The following PCDHA9 variants were observed in gnomAD, a reference collection of about 807,000 sequenced individuals.
PCDHA9 encodes protocadherin alpha-9.
Under a neutral mutation model 62.0 loss-of-function variants are expected in PCDHA9, and 62 were observed. The observed-to-expected ratio is 1.00, with a 90% CI of 0.81 to 1.23. The LOEUF is 1.23. Ranked by LOEUF, PCDHA9 falls within the 50% of genes most tolerant of loss-of-function variation. The probability of loss-of-function intolerance (pLI) is 0.00; values close to 1 mark genes in which losing one functional copy is unlikely to be tolerated. For missense variants in PCDHA9, 1,205 were observed against 1,249.8 expected (o/e 0.96, Z 0.54); for synonymous variants, 557 against 567.6 (o/e 0.98, Z 0.27).
chr5:140,936,780 T>C (rs2091148034), intron 1 of PCDHA9, among the ~76,000 whole-genome samples: 1 of 152,224 alleles, frequency 6.6e-6, no homozygotes, highest in Non-Finnish European at 1.5e-5. Flanking sequence ...TCTCTCACTT[T>C]GTTATTCTGC....
chr5:140,868,938 T>A (rs2050744008), intron 1 of PCDHA9: 1 of 1,227,724 alleles, frequency 8.1e-7, no homozygotes, highest in Non-Finnish European at 1.1e-6. Flanking sequence ...AAGGTTGGTC[T>A]GAACAGTGAG....
chr5:140,968,371 C>T (rs1554230646), intron 1 of PCDHA9: 3 of 1,614,088 alleles, frequency 1.9e-6, no homozygotes, highest in Non-Finnish European at 2.5e-6. Context: ...ATGCTGTCAA[C>T]TCCTTTGACT....
At chr5:140,929,231 T>G in intron 1 of PCDHA9, 2 of 1,613,886 alleles carry the variant, frequency 1.2e-6, no homozygotes, top group Non-Finnish European at 1.7e-6. Context: ...GCTGCCGACC[T>G]GCGAAATCTT....
intron 3 of PCDHA9, 51 bp downstream of exon 3, chr5:140,982,614 G>T (rs1283279622): frequency 6.3e-7 from 1 of 1,596,658 alleles, no homozygotes; most frequent in Non-Finnish European, 8.5e-7. Flanking sequence ...AAAGTGATCA[G>T]ATGACCTACT....
chr5:140,861,442 G>T (rs251368), intron 1 of PCDHA9: 232,262 of 488,424 alleles, frequency 0.48, 56,771 homozygotes, highest in South Asian at 0.56. Context: ...TCCAAAAGCC[G>T]CAGAAACCTT....
chr5:140,952,952 G>C (rs1477546132), intron 1 of PCDHA9, among the ~76,000 whole-genome samples: 1 of 151,924 alleles, frequency 6.6e-6, no homozygotes, highest in Non-Finnish European at 1.5e-5. Context: ...GAGAGAAGGG[G>C]GAAGTGATAC....
intron 3 of PCDHA9, among the ~76,000 whole-genome samples, chr5:141,000,383 CTCTCTCTCTCTCTATA>C (rs1346959358): frequency 3.2e-5 from 2 of 63,198 alleles, no homozygotes; most frequent in African/African-American, 1.4e-4. Context: ...CTCTCTCTCT[CTCTCTCTCTCTCTATA>C]TATATATATA....
rs199809889 is a variant in PCDHA9, at chr5:140,883,348, A to C, written c.2394+32459A>C. On this transcript the variant is annotated intron_variant, in intron 1 of 3. Transcript: ENST00000532602. ...TCACTTCTTTGTCACTCCCCATCAGAGAAGACACTCAGCCTAGCGCCATTA... is the reference window on the plus strand; with the variant it reads ...TCACTTCTTTGTCACTCCCCATCAGCGAAGACACTCAGCCTAGCGCCATTA... The C allele has an allele frequency of 1.9e-6, 3 of 1,614,172 alleles. No homozygotes were observed. In the African/African-American group the frequency reaches 4.0e-5, roughly 22 times the overall value.
rs181858092 is a variant in PCDHA9 at position 140,895,275 on chromosome 5, A to G, written c.2394+44386A>G. The stretch of plus-strand genomic sequence containing the variant: ...TTTCTTTTTTTTCTTACTCAGGGAT[A>G]ATTGAATTAGGACCTTCGATTTCCC... On this transcript the variant is annotated intron_variant, in intron 1 of 3. Transcript: ENST00000532602. 2.0e-5 allele frequency among the ~76,000 whole-genome samples: 3 copies of G among 152,146 alleles called. No individual in the cohort carries two copies. The East Asian group carries it at 5.8e-4, about 29-fold the overall frequency.
chr5:140,875,947 G>C (rs1554168112), intron 1 of PCDHA9: 1 of 1,614,184 alleles, frequency 6.2e-7, no homozygotes, highest in Admixed American at 1.7e-5. Flanking sequence ...GGGCGCTTCT[G>C]ATGCGGATAT....
chr5:140,988,075 A>G (rs139957067), intron 3 of PCDHA9, among the ~76,000 whole-genome samples: 4 of 152,258 alleles, frequency 2.6e-5, no homozygotes, highest in Non-Finnish European at 4.4e-5. Flanking sequence ...TTTCTATTTC[A>G]TGAGTGAGTG....
Position 140,850,309 on chromosome 5 carries a change from C to A in PCDHA9, c.1814C>A (p.Ala605Glu). The A allele has an allele frequency of 6.3e-7, 1 of 1,597,088 alleles. No individual in the cohort carries two copies. The highest frequency in any genetic ancestry group is 8.6e-7 in the Non-Finnish European group (1 of 1,167,652). ...RAVDADSGYN[A>E]WLSYELQPET... ...GTGGACGCCGACTCGGGCTACAACG[C>A]GTGGCTTTCATACGAGCTGCAGCCA... The change falls in exon 1 of 4, where the codon GCG becomes GAG. Residue 605 changes from alanine to glutamate, a missense_variant. Physicochemically the swap from Ala to Glu is moderately radical, Grantham distance 107. This residue lies in a region of PCDHA9 where 887 missense variants were observed against 809.5 expected (regional missense o/e 1.10). Coordinates refer to ENST00000532602, the MANE Select transcript of PCDHA9 (RefSeq NM_031857.2).
rs782398517 is a variant in PCDHA9, at chr5:140,857,600, G to A, written c.2394+6711G>A. The A allele has an allele frequency of 5.0e-6, 8 of 1,596,228 alleles. No homozygotes were observed. In the African/African-American group the frequency reaches 9.4e-5, roughly 19 times the overall value. ...GCACGCGGAGAGCGGCAAGGTGTAC[G>A]CGCTGCAGCCGCTGGACCACGAGGA... is the stretch of plus-strand genomic sequence containing the variant. On this transcript the variant is annotated intron_variant, in intron 1 of 3. Transcript: ENST00000532602.
intron 1 of PCDHA9, chr5:140,877,152 C>A (rs1662783035): frequency 6.2e-7 from 1 of 1,613,688 alleles, no homozygotes; most frequent in Non-Finnish European, 8.5e-7. Context: ...ACGAGAACGA[C>A]AACGCGCCGG....
In PCDHA9 at chr5:140,871,470, G is replaced by A. The variant is rs782433204; in HGVS notation, c.2394+20581G>A. ...AAGAGGAGGAAGGGGAAAGACAGGAGCCAGGGTCAAATCACCCCGGACAGG... is the reference window on the plus strand; with the variant it reads ...AAGAGGAGGAAGGGGAAAGACAGGAACCAGGGTCAAATCACCCCGGACAGG... On this transcript the variant is annotated intron_variant, in intron 1 of 3. Coordinates refer to ENST00000532602, the MANE Select transcript of PCDHA9 (RefSeq NM_031857.2). The A allele has an allele frequency of 3.1e-6, 5 of 1,601,030 alleles. No individual in the cohort carries two copies. In the South Asian group the frequency reaches 4.5e-5, roughly 14 times the overall value.
rs781879208 is a variant in PCDHA9, at chr5:140,850,256, C to G, written c.1761C>G (p.Ala587=). ...AGATGGTGCTGCGGTCGGTGGGCGC[C>G]GGCGTAGTGGTGGGGAAGGTGCGCG... ...VSEMVLRSVG[A]GVVVGKVRAV... Residue 587 remains alanine (A), a synonymous_variant, in exon 1 of 4, where the codon GCC becomes GCG. Coordinates refer to ENST00000532602, the MANE Select transcript of PCDHA9 (RefSeq NM_031857.2). The G allele has an allele frequency of 1.9e-6, 3 of 1,594,146 alleles. No homozygotes were observed. The highest frequency in any genetic ancestry group is 1.7e-6 in the Non-Finnish European group (2 of 1,167,214).
At chr5:140,857,661 A>ACTC (rs1554150470) in intron 1 of PCDHA9, 1 of 1,596,582 alleles carries the variant, frequency 6.3e-7, no homozygotes. Flanking sequence ...AGCGCGCGCG[A>ACTC]TGGGGGCGTG....
intron 1 of PCDHA9, among the ~76,000 whole-genome samples, chr5:140,894,629 T>C (rs1406335031): frequency 6.6e-6 from 1 of 152,036 alleles, no homozygotes; most frequent in African/African-American, 2.4e-5. Flanking sequence ...TCTTCTCCAA[T>C]CATATCATTA....
In PCDHA9 at chr5:140,858,360, G is replaced by A. The variant is rs782369682; in HGVS notation, c.2394+7471G>A. The stretch of plus-strand genomic sequence containing the variant: ...CCCAAGGCGGACCTCATGGCCTTCA[G>A]CCCCAGCCTTCCACCATGCCCAATG... On this transcript the variant is annotated intron_variant, in intron 1 of 3. Coordinates refer to ENST00000532602, the MANE Select transcript of PCDHA9 (RefSeq NM_031857.2). 3 of 1,592,532 alleles carry A rather than the reference G, an allele frequency of 1.9e-6. No homozygotes were observed. The South Asian group carries it at 3.3e-5, about 18-fold the overall frequency.
Sources: allele counts gnomAD v4.1 joint callset (sites outside exome capture counted in the v4.1 genomes callset), GRCh38; gene constraint gnomAD v4.1.1; regional missense constraint gnomAD v4.1.1; transcripts MANE v1.5; gene names NCBI Gene and HGNC (gene_info 2026-07-23, HGNC 2026-07-21).